Variants in NIPBL observed in about 807,000 individuals in gnomAD.
NIPBL encodes the protein nipped-B-like protein.
Under a neutral mutation model 321.8 loss-of-function variants are expected in NIPBL, and 19 were observed. The observed-to-expected ratio is 0.06, with a 90% CI of 0.04 to 0.09. The LOEUF (loss-of-function observed/expected upper bound fraction) is 0.09. Ranked by LOEUF, NIPBL falls within the 10% of genes least tolerant of loss-of-function variation. The pLI is 1.00. For synonymous variants in NIPBL, 1,106 were observed against 1,114.1 expected, an observed-to-expected ratio of 0.99 and a Z score of 0.14; for missense variants, 2,210 against 3,327.0, an observed-to-expected ratio of 0.66 and a Z score of 8.26.
intron 1 of NIPBL, chr5:36,886,220 A>G (rs1036748617): frequency 2.9e-5 from 19 of 659,526 alleles, no homozygotes; most frequent in East Asian, 5.9e-5. Flanking sequence ...GAGCAGCTCA[A>G]CAGAATCCTG....
rs1580507755 is a variant in NIPBL at position 37,024,809 on chromosome 5, C to T, written c.5709+90C>T. The stretch of plus-strand genomic sequence containing the variant: ...CCTAAATGTTGATTTTAAATATATC[C>T]AAACACTTTACAATGAATCGTTTAT... On this transcript the variant is annotated intron_variant, in intron 30 of 46. Transcript: ENST00000282516. 4.1e-6 allele frequency: 4 copies of T among 984,394 alleles called. No homozygotes were observed. The East Asian group carries it at 8.0e-5, about 20-fold the overall frequency. The allele number at this position is 984,394 out of a possible 1,614,324, so 61.0% of individuals were successfully genotyped here.
chr5:36,970,862 C>A lies in NIPBL; in HGVS notation c.611-14C>A. 1.2e-6 allele frequency: 2 copies of A among 1,606,726 alleles called. No homozygotes were observed. The highest frequency in any genetic ancestry group is 1.7e-6 in the Non-Finnish European group (2 of 1,174,254). On this transcript the variant is annotated splice_polypyrimidine_tract_variant and intron_variant, in intron 6 of 46. Coordinates refer to ENST00000282516, the MANE Select transcript of NIPBL (RefSeq NM_133433.4). The stretch of plus-strand genomic sequence containing the variant: ...ATCTTTTATTAAACCTTTTTTTATT[C>A]TTATTAATTTCAGCATCGGTATCAA...
Position 37,020,443 on chromosome 5 carries a change from T to C in NIPBL, c.5011-16T>C. ...GCTAATTTCATCAAGCTCAAGTCTGTCTAATTTCTTTCCAGTTTTCTCGTA... is the reference window on the plus strand; with the variant it reads ...GCTAATTTCATCAAGCTCAAGTCTGCCTAATTTCTTTCCAGTTTTCTCGTA... On this transcript the variant is annotated splice_polypyrimidine_tract_variant and intron_variant, in intron 25 of 46. Coordinates refer to ENST00000282516, the MANE Select transcript of NIPBL (RefSeq NM_133433.4). 1.3e-6 allele frequency: 2 copies of C among 1,554,084 alleles called. No individual in the cohort carries two copies. Among genetic ancestry groups the C allele is most frequent in the South Asian group, 1.1e-5 (1 of 89,748 alleles).
At position 36,882,984 on chromosome 5, in the gene NIPBL, A is replaced by T. The variant is rs1357638483; in HGVS notation, c.-80+5806A>T. On this transcript the variant is annotated intron_variant, in intron 1 of 46. Coordinates refer to ENST00000282516, the MANE Select transcript of NIPBL (RefSeq NM_133433.4). ...AAATAGGATATTGATTTTTAAATGC[A>T]GGTACTGTGGAATATATTAAATGTA... Among the ~76,000 whole-genome samples the T allele has an allele frequency of 2.0e-5, 3 of 151,968 alleles. No individual in the cohort carries two copies. In the East Asian group the frequency reaches 5.8e-4, roughly 29 times the overall value.
At chr5:37,059,599 C>G (rs927935151) in intron 44 of NIPBL, among the ~76,000 whole-genome samples, 1 of 152,042 alleles carries the variant, frequency 6.6e-6, no homozygotes, top group African/African-American at 2.4e-5. Context: ...TTATTCTCTT[C>G]TATTGCTGGA....
At chr5:36,923,252 G>A (rs1171620350) in intron 1 of NIPBL, among the ~76,000 whole-genome samples, 1 of 151,280 alleles carries the variant, frequency 6.6e-6, no homozygotes, top group African/African-American at 2.4e-5. Context: ...GTTGCAGTGA[G>A]CCGAGATCAC....
rs577641130 is a variant in NIPBL, at chr5:36,966,577, A to G, written c.611-4299A>G. Among the ~76,000 whole-genome samples the G allele has an allele frequency of 8.5e-5, 13 of 152,190 alleles. No individual in the cohort carries two copies. The South Asian group carries it at 2.7e-3, about 32-fold the overall frequency. On this transcript the variant is annotated intron_variant, in intron 6 of 46. Coordinates refer to ENST00000282516, the MANE Select transcript of NIPBL (RefSeq NM_133433.4). ...ATTAGTAAATAATCTGTGGGATGAT[A>G]CTTTGAGATCATGTAAATATACAAT...
chr5:36,903,498 C>T (rs974923982), intron 1 of NIPBL, among the ~76,000 whole-genome samples: 1 of 152,134 alleles, frequency 6.6e-6, no homozygotes, highest in African/African-American at 2.4e-5. Context: ...TCTACTTCCT[C>T]TAGCCTGGGA....
chr5:37,016,176 A>G lies in NIPBL; in HGVS notation c.4776+6A>G. The G allele has an allele frequency of 6.2e-7, 1 of 1,613,404 alleles. No homozygotes were observed. Among genetic ancestry groups the G allele is most frequent in the Non-Finnish European group, 8.5e-7 (1 of 1,179,428 alleles). On this transcript the variant is annotated splice_donor_region_variant and intron_variant, in intron 23 of 46. Transcript: ENST00000282516. ...GTTTGTTAGGGAGACTGTTGGTAAG[A>G]GTATAGCATTTAAAGATTATTAGAT...
At chr5:36,977,342 A>G (rs1234851279) in intron 9 of NIPBL, among the ~76,000 whole-genome samples, 4 of 151,914 alleles carry the variant, frequency 2.6e-5, no homozygotes, top group Non-Finnish European at 2.9e-5. Flanking sequence ...GCTGATTTTT[A>G]TATATGATGT....
chr5:37,030,756 A>G lies in NIPBL; in HGVS notation c.5862+3344A>G, dbSNP rs111706088. Among the ~76,000 whole-genome samples, 907 of 151,318 alleles carry G rather than the reference A, an allele frequency of 6.0e-3. 11 individuals carry two copies. The highest frequency in any genetic ancestry group is 0.021 in the African/African-American group (863 of 41,296). ...TCATTGTCTAAATAATTATGTTAGT[A>G]TATCTTTTTTTTTTTGGAGACAGGG... On this transcript the variant is annotated intron_variant, in intron 32 of 46. Coordinates refer to ENST00000282516, the MANE Select transcript of NIPBL (RefSeq NM_133433.4).
intron 1 of NIPBL, among the ~76,000 whole-genome samples, chr5:36,900,125 G>A (rs1046564978): frequency 6.6e-6 from 1 of 151,776 alleles, no homozygotes; most frequent in Non-Finnish European, 1.5e-5. Flanking sequence ...CAGTTCTTGA[G>A]GTATAATCAG....
In NIPBL at chr5:37,062,717, C is replaced by T. The variant is rs370259263; in HGVS notation, c.7861-1073C>T. On this transcript the variant is annotated intron_variant, in intron 45 of 46. Transcript: ENST00000282516. ...GGAGGTTTGCTTGAGTCCAGGAAGT[C>T]CAGGCCAGCCTGAGCAACAGGGTGA... is the stretch of plus-strand genomic sequence containing the variant. Among the ~76,000 whole-genome samples, 7 of 152,092 alleles carry T rather than the reference C, an allele frequency of 4.6e-5. 1 individual carries two copies. The highest frequency in any genetic ancestry group is 3.9e-4 in the Admixed American group (6 of 15,276).
In NIPBL at chr5:37,051,767, T is replaced by TA; in HGVS notation, c.6955-12_6955-11insA. 6.3e-7 allele frequency: 1 copy of TA among 1,596,414 alleles called. No individual in the cohort carries two copies. The highest frequency in any genetic ancestry group is 2.2e-5 in the East Asian group (1 of 44,756). ...TACCATGATATCTCGTAATTTTTTT[T>TA]TTTATTTCCAGTGTGTGCCATATTT... On this transcript the variant is annotated splice_polypyrimidine_tract_variant and intron_variant, in intron 40 of 46. Coordinates refer to ENST00000282516, the MANE Select transcript of NIPBL (RefSeq NM_133433.4).
chr5:37,006,643 A>G (rs1015809870), intron 17 of NIPBL, 55 bp downstream of exon 17: 3 of 1,126,572 alleles, frequency 2.7e-6, no homozygotes, highest in African/African-American at 1.6e-5. Context: ...TAGATGAGTC[A>G]AAATAGGACT....
At chr5:36,990,010 T>C (rs1213336239) in intron 10 of NIPBL, among the ~76,000 whole-genome samples, 1 of 152,020 alleles carries the variant, frequency 6.6e-6, no homozygotes, top group Non-Finnish European at 1.5e-5. Flanking sequence ...AAACCATTTT[T>C]TCTTCTCTCT....
intron 23 of NIPBL, among the ~76,000 whole-genome samples, chr5:37,016,421 A>G (rs1749004088): frequency 6.6e-6 from 1 of 151,724 alleles, no homozygotes; most frequent in Admixed American, 6.6e-5. Flanking sequence ...TTTTTTGGAA[A>G]TGTTATATTG....
rs955133141 is a variant in NIPBL, at chr5:36,975,885, G to A, written c.978G>A (p.Gln326=). ...LDSPERKQKK[Q]KKMKLGKDEK... ...CTCCAGAAAGAAAACAAAAGAAGCAGAAGAAAATGAAATTAGGCAAGGATG... is the reference window on the plus strand; with the variant it reads ...CTCCAGAAAGAAAACAAAAGAAGCAAAAGAAAATGAAATTAGGCAAGGATG... The change falls in exon 9 of 47, where the codon CAG becomes CAA. Residue 326 remains glutamine, a synonymous_variant. Transcript: ENST00000282516. 1.9e-6 allele frequency: 3 copies of A among 1,611,978 alleles called. No homozygotes were observed. In the African/African-American group the frequency reaches 4.0e-5, roughly 22 times the overall value.
chr5:36,942,701 A>G (rs1298824641), intron 1 of NIPBL, among the ~76,000 whole-genome samples: 7 of 151,016 alleles, frequency 4.6e-5, no homozygotes, highest in Non-Finnish European at 8.8e-5. Context: ...AGATCGCACC[A>G]CTGCACTTCA....
Sources: allele counts gnomAD v4.1 joint callset (sites outside exome capture counted in the v4.1 genomes callset), GRCh38; gene constraint gnomAD v4.1.1; transcripts MANE v1.5; gene names NCBI Gene and HGNC (gene_info 2026-07-23, HGNC 2026-07-21).